Variants in TAOK3 observed in about 807,000 individuals in gnomAD.
TAOK3 encodes the protein TAO kinase 3.
Under a neutral mutation model 120.4 loss-of-function variants are expected in TAOK3, and 40 were observed. The ratio of observed to expected loss-of-function variants is 0.33; its 90% CI spans 0.26 to 0.43. The LOEUF is 0.43. Among genes scored for constraint, TAOK3 ranks in the 20% least tolerant of loss-of-function variants. The pLI is 1.00. For synonymous variants in TAOK3, 355 were observed against 387.5 expected, an observed-to-expected ratio of 0.92 and a Z score of 0.99; for missense variants, 821 against 1,112.1, an observed-to-expected ratio of 0.74 and a Z score of 3.72.
At chr12:118,278,591 G>A (rs567193426) in intron 1 of TAOK3, among the ~76,000 whole-genome samples, 1 of 152,106 alleles carries the variant, frequency 6.6e-6, no homozygotes. Context: ...TGTGAAAAGT[G>A]CTGCAATGAG....
At position 118,164,650 on chromosome 12, in the gene TAOK3, G is replaced by A. The variant is rs191268717; in HGVS notation, c.1900-2623C>T. On this transcript the variant is annotated intron_variant, in intron 17 of 20. Transcript: ENST00000392533. ...CCAGGCTGTTCTCAAACTCCTGACC[G>A]CAGGTGATCCACCCGCCTCGGCCTT... Among the ~76,000 whole-genome samples, 36 of 152,020 alleles carry A rather than the reference G, an allele frequency of 2.4e-4. No individual in the cohort carries two copies. In the East Asian group the frequency reaches 5.6e-3, roughly 24 times the overall value.
At position 118,325,804 on chromosome 12, in the gene TAOK3, C is replaced by T. The variant is rs182149148; in HGVS notation, c.-194+46844G>A. ...AAGCAATTCTCCTGCCTCAGCCTCC[C>T]GAGTAGCTGGGAATACAGGTGCCCA... On this transcript the variant is annotated intron_variant, in intron 1 of 20. Coordinates refer to ENST00000392533, the MANE Select transcript of TAOK3 (RefSeq NM_016281.4). 5.1e-3 allele frequency among the ~76,000 whole-genome samples: 770 copies of T among 152,128 alleles called. 31 individuals carry two copies. Among genetic ancestry groups the T allele is most frequent in the Admixed American group, 0.046 (697 of 15,264 alleles).
Position 118,150,878 on chromosome 12 carries a change from AAGAGAG to A in TAOK3, c.*113_*118del, listed in dbSNP as rs770867106. The A allele has an allele frequency of 2.0e-6, 2 of 1,016,618 alleles. No homozygotes were observed. The highest frequency in any genetic ancestry group is 2.8e-6 in the Non-Finnish European group (2 of 715,918). The allele number at this position is 1,016,618 out of a possible 1,614,324, so 63.0% of individuals were successfully genotyped here. On this transcript the variant is annotated 3_prime_UTR_variant, in exon 21 of 21. Coordinates refer to ENST00000392533, the MANE Select transcript of TAOK3 (RefSeq NM_016281.4). ...AGTCCGACACGATGTCAGTAAGAGT[AAGAGAG>A]AGAGAGAGTGAGAGCAACGCCCGTT...
chr12:118,204,215 C>T (rs191776009), intron 11 of TAOK3, among the ~76,000 whole-genome samples: 250 of 146,830 alleles, frequency 1.7e-3, no homozygotes, highest in Non-Finnish European at 2.4e-3. Flanking sequence ...TGCAGTGAGC[C>T]GAGATTGCAC....
intron 1 of TAOK3, among the ~76,000 whole-genome samples, chr12:118,318,754 A>G (rs1004114493): frequency 5.9e-5 from 9 of 152,212 alleles, no homozygotes; most frequent in African/African-American, 1.9e-4. Flanking sequence ...AATGAAATGA[A>G]TATGTGAAAG....
At chr12:118,271,255 A>G (rs944313129) in intron 1 of TAOK3, among the ~76,000 whole-genome samples, 1 of 152,228 alleles carries the variant, frequency 6.6e-6, no homozygotes, top group Non-Finnish European at 1.5e-5. Flanking sequence ...TACAACCGTT[A>G]CCAACCACAG....
chr12:118,167,036 G>A (rs2035646846), intron 17 of TAOK3, among the ~76,000 whole-genome samples: 1 of 152,102 alleles, frequency 6.6e-6, no homozygotes, highest in East Asian at 1.9e-4. Context: ...GGCTCACTGA[G>A]GTTGAGTAAA....
At chr12:118,171,452 G>C (rs770777335) in intron 17 of TAOK3, among the ~76,000 whole-genome samples, 24 of 152,182 alleles carry the variant, frequency 1.6e-4, no homozygotes, top group Non-Finnish European at 3.4e-4. Context: ...TGCCTCCTAG[G>C]CTCAAGTGAT....
chr12:118,255,383 G>A, intron 3 of TAOK3, 65 bp downstream of exon 3: 16 of 1,569,770 alleles, frequency 1.0e-5, no homozygotes, highest in Non-Finnish European at 1.4e-5. Context: ...GTGAGTCACT[G>A]TGCCAGGCCT....
intron 17 of TAOK3, among the ~76,000 whole-genome samples, chr12:118,171,612 C>T (rs2036000966): frequency 6.6e-6 from 1 of 152,232 alleles, no homozygotes. Flanking sequence ...CTGCCTTGGC[C>T]TCCCAAAGTG....
chr12:118,216,928 C>CAAAAAAAAAAAAAAAAAAAAAAA (rs11298822), intron 9 of TAOK3, among the ~76,000 whole-genome samples: 1 of 89,934 alleles, frequency 1.1e-5, no homozygotes, highest in Non-Finnish European at 2.2e-5. Flanking sequence ...GACTCCATCT[C>CAAAAAAAAAAAAAAAAAAAAAAA]AAAAAAAAAA....
intron 9 of TAOK3, among the ~76,000 whole-genome samples, chr12:118,216,809 G>T (rs2038925548): frequency 6.6e-6 from 1 of 151,620 alleles, no homozygotes; most frequent in East Asian, 1.9e-4. Context: ...GGCACCTGTA[G>T]TTCCAGCTAC....
Position 118,150,822 on chromosome 12 carries a change from G to A in TAOK3, c.*175C>T. Reference sequence around the variant, plus strand: ...AAGTTGACACGGGGGGAGGAAGGGGGCCCCTGATGGAGTAAGAATAAACAG... The same window carrying A: ...AAGTTGACACGGGGGGAGGAAGGGGACCCCTGATGGAGTAAGAATAAACAG... On this transcript the variant is annotated 3_prime_UTR_variant, in exon 21 of 21. Transcript: ENST00000392533. 1 of 714,462 alleles carries A rather than the reference G, an allele frequency of 1.4e-6. No individual in the cohort carries two copies. The highest frequency in any genetic ancestry group is 2.3e-5 in the South Asian group (1 of 44,340). 44.3% of individuals were successfully genotyped at this position (714,462 alleles called of 1,614,324 possible).
intron 13 of TAOK3, chr12:118,190,575 A>C (rs1565924432): frequency 6.6e-6 from 1 of 152,036 alleles, no homozygotes. Flanking sequence ...ATTTTTTTTT[A>C]GATTTAAAGC....
intron 1 of TAOK3, among the ~76,000 whole-genome samples, chr12:118,284,920 A>G (rs2042212107): frequency 6.6e-6 from 1 of 152,078 alleles, no homozygotes; most frequent in Admixed American, 6.6e-5. Context: ...AATAGCAACA[A>G]ATTGAGATGA....
At chr12:118,239,343 C>G in intron 5 of TAOK3, 71 bp from the exon 6 acceptor site, 1 of 857,058 alleles carries the variant, frequency 1.2e-6, no homozygotes, top group Non-Finnish European at 1.9e-6. Context: ...AACTAAACAA[C>G]CAATCAAGGA....
intron 9 of TAOK3, among the ~76,000 whole-genome samples, chr12:118,218,107 G>A (rs562240910): frequency 3.3e-5 from 5 of 151,250 alleles, no homozygotes; most frequent in East Asian, 1.9e-4. Context: ...TGATCCGTCC[G>A]CCTTGGCCTC....
At position 118,161,090 on chromosome 12, in the gene TAOK3, T is replaced by TA. The variant is rs1357379915; in HGVS notation, c.2139+697dup. 7.9e-5 allele frequency among the ~76,000 whole-genome samples: 12 copies of TA among 152,236 alleles called. No homozygotes were observed. The highest frequency in any genetic ancestry group is 4.1e-4 in the South Asian group (2 of 4,838). ...GCACTTCACGAACACTCTGAGGACT[T>TA]ATGGTGATAGAAATCATTGCTTAGC... On this transcript the variant is annotated intron_variant, in intron 18 of 20. Transcript: ENST00000392533. This position sits in a 1 kb window ranked among gnomAD's most constrained non-coding sequence, Gnocchi z 4.5.
chr12:118,210,564 A>C (rs1428742587), intron 11 of TAOK3, among the ~76,000 whole-genome samples: 1 of 152,060 alleles, frequency 6.6e-6, no homozygotes, highest in Non-Finnish European at 1.5e-5. Context: ...AATGAAGATC[A>C]GTTTCATGGT....
Sources: allele counts gnomAD v4.1 joint callset (sites outside exome capture counted in the v4.1 genomes callset), GRCh38; gene constraint gnomAD v4.1.1; non-coding constraint Gnocchi (gnomAD v3.1); transcripts MANE v1.5; gene names NCBI Gene and HGNC (gene_info 2026-07-23, HGNC 2026-07-21).